TFDP2: variants seen among roughly 807,000 people sequenced by gnomAD.
TFDP2 encodes transcription factor Dp-2 (E2F dimerization partner 2).
In TFDP2, 17 loss-of-function variants were observed where a neutral mutation model predicts 59.3. The observed-to-expected ratio is 0.29, with a 90% CI of 0.20 to 0.43. The LOEUF (loss-of-function observed/expected upper bound fraction) is 0.43, where lower values mean the gene tolerates loss of function less well. Ranked by LOEUF, TFDP2 falls within the 20% of genes least tolerant of loss-of-function variation. The probability of loss-of-function intolerance (pLI) is 1.00; values close to 1 mark genes in which losing one functional copy is unlikely to be tolerated. For synonymous variants in TFDP2, 180 were observed against 194.7 expected, an observed-to-expected ratio of 0.92 and a Z score of 0.63; for missense variants, 391 against 528.8, an observed-to-expected ratio of 0.74 and a Z score of 2.56.
At chr3:142,048,827 A>G (rs1186544715) in intron 3 of TFDP2, among the ~76,000 whole-genome samples, 1 of 152,122 alleles carries the variant, frequency 6.6e-6, no homozygotes, top group Admixed American at 6.6e-5. Context: ...CAGCCTCCCA[A>G]AGTGGTGGGA....
intron 3 of TFDP2, among the ~76,000 whole-genome samples, chr3:142,075,779 T>A (rs184727151): frequency 8.2e-4 from 118 of 143,390 alleles, no homozygotes; most frequent in African/African-American, 3.1e-3. Flanking sequence ...TGGTGGTGCA[T>A]ATCTGTAGTC....
intron 3 of TFDP2, among the ~76,000 whole-genome samples, chr3:142,049,210 C>A (rs768024295): frequency 7.9e-5 from 12 of 152,206 alleles, no homozygotes; most frequent in South Asian, 2.1e-4. Flanking sequence ...TGAACACTCA[C>A]AAAAATTCTA....
intron 1 of TFDP2, among the ~76,000 whole-genome samples, chr3:142,104,410 C>G (rs1420388043): frequency 6.6e-6 from 1 of 152,114 alleles, no homozygotes; most frequent in Non-Finnish European, 1.5e-5. Flanking sequence ...CAGATCTATA[C>G]AGAATTCTGT....
chr3:141,958,706 T>C (rs1936995073), intron 11 of TFDP2, among the ~76,000 whole-genome samples: 1 of 152,054 alleles, frequency 6.6e-6, no homozygotes, highest in Admixed American at 6.6e-5. Context: ...TAAGAACAAT[T>C]TAAGACTGGG....
chr3:142,037,945 ATC>A (rs1946764462), intron 3 of TFDP2, among the ~76,000 whole-genome samples: 1 of 152,208 alleles, frequency 6.6e-6, no homozygotes, highest in African/African-American at 2.4e-5. Flanking sequence ...CTCCACCCAC[ATC>A]TCTGATTCTT....
At chr3:142,068,181 G>T (rs913051495) in intron 3 of TFDP2, among the ~76,000 whole-genome samples, 6 of 152,012 alleles carry the variant, frequency 3.9e-5, no homozygotes, top group African/African-American at 1.2e-4. Flanking sequence ...ATGGAGAAAA[G>T]AGAGTCTTTT....
intron 1 of TFDP2, among the ~76,000 whole-genome samples, chr3:142,103,857 C>G (rs148668133): frequency 1.3e-5 from 2 of 151,542 alleles, no homozygotes; most frequent in African/African-American, 4.8e-5. Flanking sequence ...TTTGAATCTA[C>G]AAGTAAAATT....
intron 6 of TFDP2, chr3:141,989,275 C>T (rs1403087491): frequency 6.6e-6 from 1 of 152,178 alleles, no homozygotes; most frequent in African/African-American, 2.4e-5. Flanking sequence ...AAGAAGGTTC[C>T]CCCACTTGTG....
At chr3:141,983,460 AACT>A (rs1941708570) in intron 6 of TFDP2, among the ~76,000 whole-genome samples, 1 of 152,072 alleles carries the variant, frequency 6.6e-6, no homozygotes, top group Admixed American at 6.6e-5. Context: ...AACATGGTGA[AACT>A]CCATCTCCAC....
chr3:142,019,777 A>G (rs1945451708), intron 3 of TFDP2, among the ~76,000 whole-genome samples: 1 of 147,788 alleles, frequency 6.8e-6, no homozygotes, highest in East Asian at 1.9e-4. Context: ...GCCACTTTTA[A>G]TGAATAATCC....
intron 3 of TFDP2, among the ~76,000 whole-genome samples, chr3:142,056,108 C>A (rs2059735019): frequency 6.6e-6 from 1 of 151,562 alleles, no homozygotes. Context: ...TACGCGCCAC[C>A]ACATCCGGCT....
At chr3:142,087,948 C>T (rs2060858602) in intron 3 of TFDP2, among the ~76,000 whole-genome samples, 1 of 152,186 alleles carries the variant, frequency 6.6e-6, no homozygotes, top group African/African-American at 2.4e-5. Context: ...TTCTCTGACC[C>T]ACCCCATCTA....
chr3:142,077,138 A>G (rs79781998), intron 3 of TFDP2, among the ~76,000 whole-genome samples: 5,725 of 152,266 alleles, frequency 0.038, 357 homozygotes, highest in African/African-American at 0.13. Flanking sequence ...AACATATAGA[A>G]CAGCTCTAGA....
intron 3 of TFDP2, among the ~76,000 whole-genome samples, chr3:142,073,150 G>C (rs900890085): frequency 1.3e-5 from 2 of 152,100 alleles, no homozygotes; most frequent in Non-Finnish European, 2.9e-5. Flanking sequence ...AGCTCCTGTG[G>C]CCTCAAACTC....
At chr3:142,010,694 A>G (rs1436285757) in intron 3 of TFDP2, among the ~76,000 whole-genome samples, 1 of 151,338 alleles carries the variant, frequency 6.6e-6, no homozygotes. Context: ...TACTCGTCTG[A>G]CAAAGGGCTA....
At chr3:142,006,349 T>C (rs192453783) in intron 3 of TFDP2, among the ~76,000 whole-genome samples, 2 of 152,148 alleles carry the variant, frequency 1.3e-5, no homozygotes, top group Non-Finnish European at 2.9e-5. Context: ...AGGCCAACAC[T>C]AAAACCCTGG....
chr3:142,130,504 T>TA (rs2062458730), intron 1 of TFDP2, among the ~76,000 whole-genome samples: 1 of 151,624 alleles, frequency 6.6e-6, no homozygotes, highest in African/African-American at 2.4e-5. Flanking sequence ...TTTTTTTTTT[T>TA]ATACTTTTAA....
intron 3 of TFDP2, among the ~76,000 whole-genome samples, chr3:142,020,358 A>G (rs1265826118): frequency 6.6e-6 from 1 of 151,964 alleles, no homozygotes; most frequent in African/African-American, 2.4e-5. Flanking sequence ...ACATGGTGAA[A>G]CCCTGCCTCT....
At chr3:141,985,215 T>G (rs1941951797) in intron 6 of TFDP2, among the ~76,000 whole-genome samples, 1 of 152,102 alleles carries the variant, frequency 6.6e-6, no homozygotes, top group Admixed American at 6.6e-5. Flanking sequence ...TGTAAAAATG[T>G]TATAAAAATA....
Sources: allele counts gnomAD v4.1 joint callset (sites outside exome capture counted in the v4.1 genomes callset), GRCh38; gene constraint gnomAD v4.1.1; transcripts MANE v1.5; gene names NCBI Gene and HGNC (gene_info 2026-07-23, HGNC 2026-07-21).